The following POLA1 variants were observed in gnomAD, a reference collection of about 807,000 sequenced individuals.
The protein encoded by POLA1 is DNA polymerase alpha catalytic subunit.
In POLA1, 15 loss-of-function variants were observed where a neutral mutation model predicts 124.0. The observed-to-expected ratio is 0.12, with a 90% confidence interval of 0.08 to 0.19. The LOEUF is 0.19. Among genes scored for constraint, POLA1 ranks in the 10% least tolerant of loss-of-function variants. POLA1 has a pLI of 1.00. For synonymous variants in POLA1, 408 were observed against 389.4 expected (o/e 1.05, Z -0.56); for missense variants, 886 against 1,103.4 (o/e 0.80, Z 2.79).
intron 26 of POLA1, among the ~76,000 whole-genome samples, chrX:24,797,315 ATT>A (rs200418135): frequency 9.2e-6 from 1 of 108,442 alleles, no homozygotes; most frequent in Admixed American, 9.8e-5. Context: ...TTAAAACTTA[ATT>A]TTTTTTTTAC....
At chrX:24,951,548 C>G (rs748612751) in intron 36 of POLA1, among the ~76,000 whole-genome samples, 3 of 110,148 alleles carry the variant, frequency 2.7e-5, no homozygotes, top group Non-Finnish European at 3.8e-5. Context: ...AATATTTCCC[C>G]TTTTCATCTT....
chrX:24,949,575 G>A (rs867372391), intron 36 of POLA1, among the ~76,000 whole-genome samples: 3 of 78,585 alleles, frequency 3.8e-5, no homozygotes, highest in African/African-American at 4.7e-5. Context: ...AAAAGAAAAA[G>A]AAGCCATGAA....
chrX:24,827,844 A>G (rs1601776910), intron 32 of POLA1, among the ~76,000 whole-genome samples: 1 of 111,572 alleles, frequency 9.0e-6, no homozygotes, highest in African/African-American at 3.2e-5. Context: ...CAGTAGAAAT[A>G]TGTTCATATT....
At chrX:24,741,288 T>C in intron 20 of POLA1, 87 bp from the exon 21 acceptor site, 1 of 710,043 alleles carries the variant, frequency 1.4e-6, no homozygotes, top group Non-Finnish European at 2.1e-6. Context: ...ACACCCAGAA[T>C]TCCTTATAAT....
At chrX:24,772,452 G>A (rs754865261) in intron 26 of POLA1, among the ~76,000 whole-genome samples, 13 of 109,888 alleles carry the variant, frequency 1.2e-4, no homozygotes, top group Non-Finnish European at 1.9e-4. Context: ...GTAAACTTGT[G>A]TCATGGGGGT....
At position 24,986,729 on chromosome X, in the gene POLA1, C is replaced by CATATAT. The variant is rs763067129; in HGVS notation, c.4262-9065_4262-9060dup. Among the ~76,000 whole-genome samples the CATATAT allele has an allele frequency of 2.8e-5, 3 of 107,353 alleles. No individual in the cohort carries two copies. The Admixed American group carries it at 3.0e-4, about 11-fold the overall frequency. The allele number at this position is 107,353 out of a possible 115,157, so 93.2% of individuals were successfully genotyped here. ...GACAGAGTAAGACCCTGTCTCTTAA[C>CATATAT]ATATATATATATATATGTATGTATG... On this transcript the variant is annotated intron_variant, in intron 36 of 36. Coordinates refer to ENST00000379068, the MANE Select transcript of POLA1 (RefSeq NM_001330360.2).
intron 36 of POLA1, among the ~76,000 whole-genome samples, chrX:24,951,990 C>G (rs949881853): frequency 8.9e-6 from 1 of 111,940 alleles, no homozygotes; most frequent in Non-Finnish European, 1.9e-5. Flanking sequence ...AGAGTTTCCA[C>G]TCGCATGCAA....
intron 36 of POLA1, among the ~76,000 whole-genome samples, chrX:24,961,138 A>T (rs867550671): frequency 9.0e-6 from 1 of 111,202 alleles, no homozygotes; most frequent in Middle Eastern, 4.6e-3. Context: ...GCTTCCATAA[A>T]GATGCACTCC....
intron 34 of POLA1, among the ~76,000 whole-genome samples, chrX:24,860,814 A>G (rs1044726032): frequency 8.9e-6 from 1 of 112,035 alleles, no homozygotes; most frequent in Non-Finnish European, 1.9e-5. Context: ...AAGACAACCA[A>G]CCAAACAGAT....
chrX:24,706,003 C>T (rs1022587856), intron 4 of POLA1, among the ~76,000 whole-genome samples: 6 of 111,868 alleles, frequency 5.4e-5, no homozygotes, highest in Non-Finnish European at 5.6e-5. Flanking sequence ...CCTTGTAAAG[C>T]TACTTTCCTC....
intron 32 of POLA1, among the ~76,000 whole-genome samples, chrX:24,832,655 G>A (rs1037615028): frequency 1.8e-5 from 2 of 111,632 alleles, no homozygotes; most frequent in Non-Finnish European, 3.8e-5. Context: ...TATCAAGATC[G>A]TGTAGCTTAT....
At chrX:24,823,319 T>G (rs1192784211) in intron 31 of POLA1, among the ~76,000 whole-genome samples, 1 of 112,150 alleles carries the variant, frequency 8.9e-6, no homozygotes, top group Non-Finnish European at 1.9e-5. Context: ...TCTGCCTAAA[T>G]TTTTTGCTTT....
In POLA1 at chrX:24,968,857, ATCT is replaced by A. The variant is rs771637126; in HGVS notation, c.4262-26944_4262-26942del. ...CAATTGCATTAAACATGTATTAAAC[ATCT>A]TCTCTATGTCATGCTTTCTAAGATG... is the stretch of plus-strand genomic sequence containing the variant. On this transcript the variant is annotated intron_variant, in intron 36 of 36. Transcript: ENST00000379068. 1.9e-4 allele frequency among the ~76,000 whole-genome samples: 21 copies of A among 111,705 alleles called. No individual in the cohort carries two copies. In the East Asian group the frequency reaches 2.8e-3, roughly 15 times the overall value.
chrX:24,782,671 T>TA (rs2045289178), intron 26 of POLA1, among the ~76,000 whole-genome samples: 1 of 110,783 alleles, frequency 9.0e-6, no homozygotes, highest in Non-Finnish European at 1.9e-5. Context: ...TTGAGTCCCT[T>TA]ATAGTGGTCC....
chrX:24,743,148 A>G (rs1931776683), intron 22 of POLA1, 82 bp from the exon 23 acceptor site: 3 of 527,669 alleles, frequency 5.7e-6, no homozygotes, highest in East Asian at 7.4e-5. Context: ...AAGTCCTGCA[A>G]TTGGAAAAGA....
chrX:24,748,977 A>C lies in POLA1; in HGVS notation c.2949A>C (p.Thr983=). ...CCAAACCACTGGCTGCCTTGGTGAC[A>C]TACAAAGGAAGGGAGGTAAATGGCG... The part of the protein sequence containing the change: ...FYAKPLAALV[T]YKGREILMHT... Residue 983 remains threonine (T), a synonymous_variant, in exon 26 of 37, where the codon ACA becomes ACC. Coordinates refer to ENST00000379068, the MANE Select transcript of POLA1 (RefSeq NM_001330360.2). The C allele has an allele frequency of 8.3e-7, 1 of 1,199,531 alleles. No homozygotes were observed. Among genetic ancestry groups the C allele is most frequent in the Non-Finnish European group, 1.1e-6 (1 of 884,372 alleles).
At chrX:24,707,633 C>T (rs984347835) in intron 4 of POLA1, among the ~76,000 whole-genome samples, 1 of 112,373 alleles carries the variant, frequency 8.9e-6, no homozygotes, top group African/African-American at 3.2e-5. Flanking sequence ...TAAGAAATTA[C>T]TAAGTTTTGC....
intron 36 of POLA1, among the ~76,000 whole-genome samples, chrX:24,965,506 G>A (rs374118822): frequency 3.0e-4 from 34 of 111,663 alleles, no homozygotes; most frequent in Middle Eastern, 4.2e-3. Flanking sequence ...TTTCATCCTT[G>A]TGTTGCTAAG....
chrX:24,749,867 T>C (rs761699917), intron 26 of POLA1, among the ~76,000 whole-genome samples: 24 of 112,422 alleles, frequency 2.1e-4, no homozygotes, highest in African/African-American at 6.8e-4. Flanking sequence ...ACTATGTGCA[T>C]GGGTTTTTCT....
Sources: gnomAD v4.1 joint callset for allele counts (sites outside exome capture counted in the v4.1 genomes callset) on GRCh38, gnomAD v4.1.1 for gene constraint, MANE v1.5 for transcripts, NCBI Gene and HGNC (gene_info 2026-07-23, HGNC 2026-07-21) for gene names.